Variants in MAP3K13 observed in about 807,000 individuals in gnomAD.
The protein encoded by MAP3K13 is leucine zipper-bearing kinase.
MAP3K13 carries 52 observed loss-of-function variants against 104.0 expected under a neutral mutation model. That is an observed-to-expected ratio of 0.50 (90% confidence interval 0.40 to 0.63). The LOEUF (loss-of-function observed/expected upper bound fraction) is 0.63. Among genes scored for constraint, MAP3K13 ranks in the 20% least tolerant of loss-of-function variants. The pLI is 0.00. For synonymous variants in MAP3K13, 394 were observed against 442.2 expected (o/e 0.89, Z 1.37); for missense variants, 914 against 1,218.5 (o/e 0.75, Z 3.72).
At chr3:185,335,036 T>TAA (rs71782020) in intron 2 of MAP3K13, among the ~76,000 whole-genome samples, 4 of 144,070 alleles carry the variant, frequency 2.8e-5, no homozygotes, top group Admixed American at 2.1e-4. Context: ...CCAGAAACCT[T>TAA]AAAAAAAAAA....
At chr3:185,425,078 A>T (rs1714338248) in intron 1 of MAP3K13, among the ~76,000 whole-genome samples, 1 of 152,170 alleles carries the variant, frequency 6.6e-6, no homozygotes, top group Admixed American at 6.5e-5. Flanking sequence ...GGCTGAGTAT[A>T]TATTCAATAA....
intron 7 of MAP3K13, among the ~76,000 whole-genome samples, chr3:185,456,931 G>A (rs913488866): frequency 7.2e-5 from 11 of 152,068 alleles, no homozygotes; most frequent in African/African-American, 9.7e-5. Flanking sequence ...AAAACTGTAC[G>A]TAGCATAATT....
At position 185,416,679 on chromosome 3, in the gene MAP3K13, A is replaced by G. The variant is rs139716870; in HGVS notation, c.-85-11818A>G. Reference sequence around the variant, plus strand: ...GGCCTTGCTATGTTGTTCAGACTGGAGTACAGTGGCGCAATCATGGCTCAC... The same window carrying G: ...GGCCTTGCTATGTTGTTCAGACTGGGGTACAGTGGCGCAATCATGGCTCAC... On this transcript the variant is annotated intron_variant, in intron 1 of 13. Transcript: ENST00000265026. Among the ~76,000 whole-genome samples, 502 of 152,260 alleles carry G rather than the reference A, an allele frequency of 3.3e-3. 1 individual carries two copies. Among genetic ancestry groups the G allele is most frequent in the African/African-American group, 0.011 (477 of 41,548 alleles).
intron 3 of MAP3K13, among the ~76,000 whole-genome samples, chr3:185,441,971 G>A (rs1393993245): frequency 6.6e-6 from 1 of 151,774 alleles, no homozygotes; most frequent in African/African-American, 2.4e-5. Flanking sequence ...AACCCGGGAG[G>A]TGGAGGTTGT....
intron 1 of MAP3K13, 124 bp from the exon 2 acceptor site, chr3:185,428,373 C>A (rs1420737244): frequency 1.9e-6 from 1 of 520,542 alleles, no homozygotes; most frequent in Non-Finnish European, 3.2e-6. Flanking sequence ...TCATTTCCAT[C>A]ACATGGACTA....
intron 4 of MAP3K13, among the ~76,000 whole-genome samples, chr3:185,447,486 C>A: frequency 1.9e-5 from 2 of 102,774 alleles, no homozygotes; most frequent in Non-Finnish European, 1.8e-5. Context: ...AAGAGTGAAA[C>A]TCTGTCTCAA....
intron 1 of MAP3K13, among the ~76,000 whole-genome samples, chr3:185,408,790 A>G (rs572493776): frequency 9.2e-5 from 14 of 152,276 alleles, no homozygotes; most frequent in Admixed American, 2.6e-4. Context: ...GCATTATGTA[A>G]TAAACATGGG....
chr3:185,342,086 T>C (rs1242387434), intron 2 of MAP3K13, among the ~76,000 whole-genome samples: 1 of 152,156 alleles, frequency 6.6e-6, no homozygotes, highest in Non-Finnish European at 1.5e-5. Context: ...AACCAAGGCC[T>C]CCTGCAAACA....
intron 1 of MAP3K13, among the ~76,000 whole-genome samples, chr3:185,396,718 T>C (rs779033023): frequency 6.6e-5 from 10 of 152,230 alleles, no homozygotes; most frequent in Non-Finnish European, 1.3e-4. Context: ...GTAGGGAGCA[T>C]CTAGTTGTCC....
intron 12 of MAP3K13, among the ~76,000 whole-genome samples, chr3:185,478,752 G>A (rs1718275984): frequency 6.6e-6 from 1 of 151,818 alleles, no homozygotes; most frequent in Non-Finnish European, 1.5e-5. Flanking sequence ...CATGCCTGTA[G>A]TCCCAGCTAC....
chr3:185,311,487 T>C (rs1721494417), intron 2 of MAP3K13, among the ~76,000 whole-genome samples: 1 of 152,194 alleles, frequency 6.6e-6, no homozygotes, highest in African/African-American at 2.4e-5. Flanking sequence ...ACAATTGAAG[T>C]TGAGATTTGA....
chr3:185,303,703 T>C (rs941061355), intron 2 of MAP3K13, among the ~76,000 whole-genome samples: 3 of 152,052 alleles, frequency 2.0e-5, no homozygotes, highest in Non-Finnish European at 4.4e-5. Context: ...ATTTGAATCT[T>C]CTCTATTTTT....
intron 1 of MAP3K13, among the ~76,000 whole-genome samples, chr3:185,382,848 A>G (rs550654448): frequency 6.6e-6 from 1 of 152,056 alleles, no homozygotes; most frequent in Non-Finnish European, 1.5e-5. Flanking sequence ...TACTAAAAAT[A>G]TTTTTTAATT....
chr3:185,291,775 G>A (rs1720748656), intron 2 of MAP3K13: 13 of 1,453,008 alleles, frequency 8.9e-6, no homozygotes, highest in Non-Finnish European at 1.8e-6. Context: ...AAGCTTAAAG[G>A]GGCTAAAATC....
chr3:185,422,890 G>A (rs1054112336), intron 1 of MAP3K13, among the ~76,000 whole-genome samples: 1 of 152,188 alleles, frequency 6.6e-6, no homozygotes, highest in Non-Finnish European at 1.5e-5. Flanking sequence ...TGTGTTTACA[G>A]CCACTCCCTG....
chr3:185,467,277 T>A (rs1717497419), intron 10 of MAP3K13, among the ~76,000 whole-genome samples: 1 of 152,230 alleles, frequency 6.6e-6, no homozygotes. Flanking sequence ...TCAACCCCAG[T>A]GTCCTCATGG....
At chr3:185,471,306 C>CTTTTTTT (rs748807847) in intron 10 of MAP3K13, among the ~76,000 whole-genome samples, 6 of 83,418 alleles carry the variant, frequency 7.2e-5, no homozygotes, top group African/African-American at 1.3e-4. Context: ...ATGACCTTTG[C>CTTTTTTT]TTTTTTTTTT....
chr3:185,390,853 C>T (rs1183428271), intron 1 of MAP3K13, among the ~76,000 whole-genome samples: 2 of 151,972 alleles, frequency 1.3e-5, no homozygotes, highest in Admixed American at 6.6e-5. Flanking sequence ...GATCTTTTGA[C>T]CTCATGATCG....
At position 185,473,533 on chromosome 3, in the gene MAP3K13, G is replaced by A. The variant is rs748872624; in HGVS notation, c.2202G>A (p.Gln734=). The A allele has an allele frequency of 1.2e-5, 19 of 1,614,206 alleles. No individual in the cohort carries two copies. The African/African-American group carries it at 2.4e-4, about 20-fold the overall frequency. ...CQADAYDPCL[Q]CRPEQYGSLD... ...CTGACGCTTATGACCCCTGCCTTCA[G>A]TGCAGGCCAGAACAGTATGGGTCCT... The change falls in exon 11 of 14, where the codon CAG becomes CAA. Residue 734 remains glutamine, a synonymous_variant. Transcript: ENST00000265026. The surrounding 1 kb of genome is among the most constrained non-coding windows in gnomAD (Gnocchi z 4.9).
Sources: allele counts gnomAD v4.1 joint callset (sites outside exome capture counted in the v4.1 genomes callset), GRCh38; gene constraint gnomAD v4.1.1; non-coding constraint Gnocchi (gnomAD v3.1); transcripts MANE v1.5; gene names NCBI Gene and HGNC (gene_info 2026-07-23, HGNC 2026-07-21).